The following UBE2V1 variants were observed in gnomAD, a reference collection of about 807,000 sequenced individuals.
UBE2V1 encodes ubiquitin conjugating enzyme E2 V1.
A neutral mutation model predicts 19.6 loss-of-function variants in UBE2V1; 15 were observed. The ratio of observed to expected loss-of-function variants is 0.77; its 90% CI spans 0.51 to 1.18. UBE2V1 has a LOEUF of 1.18. Ranked by LOEUF, UBE2V1 falls within the 50% of genes most tolerant of loss-of-function variation. The pLI, the probability that UBE2V1 is intolerant of heterozygous loss-of-function variation, is 0.00. For synonymous variants in UBE2V1, 60 were observed against 60.7 expected, an observed-to-expected ratio of 0.99 and a Z score of 0.05; for missense variants, 125 against 184.8, an observed-to-expected ratio of 0.68 and a Z score of 1.88.
At chr20:50,115,572 G>A (rs6095771), upstream of UBE2V1, 436 of 1,546,702 alleles carry the variant, frequency 2.8e-4, 1 homozygote, top group African/African-American at 4.8e-3. Context: ...ACCTCTCCTG[G>A]CATCAGTTTC....
In UBE2V1 at chr20:50,084,258, GAA is replaced by G. The variant is rs772644776; in HGVS notation, c.172-6_172-5del. On this transcript the variant is annotated splice_region_variant and splice_polypyrimidine_tract_variant and intron_variant, in intron 2 of 3. Coordinates refer to ENST00000371674, the MANE Select transcript of UBE2V1 (RefSeq NM_001032288.3). ...ATATTCGGTTTTCATAAATTGTCTG[GAA>G]AAAAAGAGTACGGAGATGTCACGCA... The G allele has an allele frequency of 2.5e-6, 4 of 1,609,312 alleles. No individual in the cohort carries two copies. The highest frequency in any genetic ancestry group is 3.4e-6 in the Non-Finnish European group (4 of 1,176,594).
At chr20:50,112,613 G>A (rs2080834585) in intron 1 of UBE2V1, among the ~76,000 whole-genome samples, 1 of 152,208 alleles carries the variant, frequency 6.6e-6, no homozygotes, top group South Asian at 2.1e-4. Flanking sequence ...ATCCTCTCAA[G>A]TCACCCCCTC....
rs560714837 is a variant in UBE2V1, at chr20:50,088,542, T to G, written c.172-4288A>C. Among the ~76,000 whole-genome samples, 32 of 152,192 alleles carry G rather than the reference T, an allele frequency of 2.1e-4. No individual in the cohort carries two copies. The South Asian group carries it at 3.1e-3, about 15-fold the overall frequency. Reference sequence around the variant, plus strand: ...GGCCCACGCCTGTAATCTCAGCACTTTGGGAGGCCAAGACAGGAGGACTGC... The same window carrying G: ...GGCCCACGCCTGTAATCTCAGCACTGTGGGAGGCCAAGACAGGAGGACTGC... On this transcript the variant is annotated intron_variant, in intron 2 of 3. Transcript: ENST00000371674.
upstream of UBE2V1, among the ~76,000 whole-genome samples, chr20:50,114,279 A>T (rs1265313861): frequency 6.6e-6 from 1 of 152,200 alleles, no homozygotes; most frequent in Admixed American, 6.5e-5. Context: ...GGAAGCTGGA[A>T]GCCCTCACCC....
rs540789270 is a variant in UBE2V1 at position 50,100,309 on chromosome 20, G to A, written c.23-3489C>T. Among the ~76,000 whole-genome samples, 376 of 149,880 alleles carry A rather than the reference G, an allele frequency of 2.5e-3. 3 individuals are homozygous for A. The highest frequency in any genetic ancestry group is 3.1e-3 in the East Asian group (16 of 5,098). ...TTAAAAAAAAAAAAAAAAAAAAGAC[G>A]GGGCGCGGTGGCTCACACCTGTAAT... On this transcript the variant is annotated intron_variant, in intron 1 of 3. Transcript: ENST00000371674.
intron 1 of UBE2V1, among the ~76,000 whole-genome samples, chr20:50,103,759 G>T (rs2080161439): frequency 6.6e-6 from 1 of 152,032 alleles, no homozygotes; most frequent in Non-Finnish European, 1.5e-5. Flanking sequence ...AGGCAGTCAG[G>T]AGAGGCCCTC....
At chr20:50,102,500 A>G (rs74597922) in intron 1 of UBE2V1, among the ~76,000 whole-genome samples, 1,898 of 152,296 alleles carry the variant, frequency 0.012, 40 homozygotes, top group African/African-American at 0.043. Flanking sequence ...CTCTGTTTTT[A>G]AAAGACAGGT....
chr20:50,099,726 AG>A (rs749886502), intron 1 of UBE2V1, among the ~76,000 whole-genome samples: 9 of 152,168 alleles, frequency 5.9e-5, no homozygotes, highest in African/African-American at 2.2e-4. Context: ...ATAAGGATCA[AG>A]GGTTCTTCTC....
chr20:50,089,748 G>C (rs1403028736), intron 2 of UBE2V1, among the ~76,000 whole-genome samples: 1 of 152,198 alleles, frequency 6.6e-6, no homozygotes, highest in African/African-American at 2.4e-5. Flanking sequence ...GCAATAGTAA[G>C]TTTTCACTTC....
chr20:50,095,606 G>C (rs987975180), intron 2 of UBE2V1, among the ~76,000 whole-genome samples: 1 of 152,196 alleles, frequency 6.6e-6, no homozygotes, highest in Admixed American at 6.5e-5. Context: ...CCCGGGCCAC[G>C]CCCTACATGT....
At chr20:50,092,140 G>A (rs906821024) in intron 2 of UBE2V1, among the ~76,000 whole-genome samples, 4 of 151,504 alleles carry the variant, frequency 2.6e-5, no homozygotes, top group African/African-American at 7.3e-5. Flanking sequence ...TGGCCAACAC[G>A]GCAAAAACCT....
At chr20:50,112,653 G>A (rs553738633) in intron 1 of UBE2V1, among the ~76,000 whole-genome samples, 1 of 152,150 alleles carries the variant, frequency 6.6e-6, no homozygotes. Flanking sequence ...CCAGCCTGAA[G>A]GGCTTCTCTG....
chr20:50,089,794 A>T (rs138442466), intron 2 of UBE2V1, among the ~76,000 whole-genome samples: 152 of 152,334 alleles, frequency 1.0e-3, no homozygotes, highest in African/African-American at 3.2e-3. Flanking sequence ...GTGGCACTCA[A>T]ATATTCTTAA....
At chr20:50,112,633 T>C (rs932085367) in intron 1 of UBE2V1, among the ~76,000 whole-genome samples, 5 of 152,144 alleles carry the variant, frequency 3.3e-5, no homozygotes, top group Admixed American at 2.6e-4. Context: ...CAGGATCCCG[T>C]TTCTTCCATC....
intron 2 of UBE2V1, among the ~76,000 whole-genome samples, chr20:50,092,442 A>G (rs1375260449): frequency 6.6e-6 from 1 of 152,130 alleles, no homozygotes; most frequent in Non-Finnish European, 1.5e-5. Flanking sequence ...GCCTAGACAC[A>G]TTTATGGTTG....
upstream of UBE2V1, chr20:50,115,065 C>CAA (rs58162069): frequency 1.3e-4 from 17 of 129,568 alleles, no homozygotes; most frequent in Non-Finnish European, 1.3e-4. Context: ...GATTCAGTCT[C>CAA]AAAAAAAAAA....
intron 2 of UBE2V1, among the ~76,000 whole-genome samples, chr20:50,087,196 GA>G (rs1381740083): frequency 1.3e-5 from 2 of 152,082 alleles, no homozygotes; most frequent in African/African-American, 4.8e-5. Flanking sequence ...AGGAGTTCGA[GA>G]CCCATCTGGC....
rs1485858324 is a variant in UBE2V1 at position 50,082,379 on chromosome 20, A to C, written c.*389T>G. 1 of 187,872 alleles carries C rather than the reference A, an allele frequency of 5.3e-6. No homozygotes were observed. The highest frequency in any genetic ancestry group is 1.1e-5 in the Non-Finnish European group (1 of 89,310). 11.6% of individuals were successfully genotyped at this position (187,872 alleles called of 1,614,324 possible). A position where few individuals can be genotyped will look rare whatever the true frequency, so the allele number is the denominator to read the frequency against. On this transcript the variant is annotated 3_prime_UTR_variant, in exon 4 of 4. Coordinates refer to ENST00000371674, the MANE Select transcript of UBE2V1 (RefSeq NM_001032288.3). ...TGTTGCAGGGAGGGTGGGAGGCGGG[A>C]GGGTAAGGGGAGAAGGCAGAGACCC... is the stretch of plus-strand genomic sequence containing the variant.
At chr20:50,115,342 T>C (rs2080979526), upstream of UBE2V1, 3 of 1,352,050 alleles carry the variant, frequency 2.2e-6, no homozygotes, top group African/African-American at 4.5e-5. Flanking sequence ...CAGCACTGGC[T>C]ACAGGTGAAG....
Sources: allele counts gnomAD v4.1 joint callset (sites outside exome capture counted in the v4.1 genomes callset), GRCh38; gene constraint gnomAD v4.1.1; transcripts MANE v1.5; gene names NCBI Gene and HGNC (gene_info 2026-07-23, HGNC 2026-07-21).